Variants in ADCY10 observed in about 807,000 individuals in gnomAD.
The protein encoded by ADCY10 is adenylate cyclase type 10.
ADCY10 carries 156 observed loss-of-function variants against 183.3 expected under a neutral mutation model. That is an observed-to-expected ratio of 0.85 (90% confidence interval 0.75 to 0.97). The LOEUF is 0.97. Among genes scored for constraint, ADCY10 ranks in the 50% least tolerant of loss-of-function variants. The probability of loss-of-function intolerance (pLI) is 0.00; values close to 1 mark genes in which losing one functional copy is unlikely to be tolerated. For synonymous variants in ADCY10, 645 were observed against 670.0 expected (o/e 0.96, Z 0.58); for missense variants, 1,745 against 1,934.3 (o/e 0.90, Z 1.84).
Position 167,878,489 on chromosome 1 carries a change from C to T in ADCY10, c.1363G>A (p.Asp455Asn). ...CAATACTGATACAATGGTCCAGAAT[C>T]TGCAACACCTTTCATAACTTTCTTT... ...LPKKVMKGVA[D>N]SGPLYQYWGR... The change falls in exon 12 of 33, where the codon GAT becomes AAT. Residue 455 changes from aspartate (D) to asparagine (N), a missense_variant. Asp to Asn is a conservative substitution (Grantham distance 23, BLOSUM62 1). Transcript: ENST00000367851. The T allele has an allele frequency of 6.2e-7, 1 of 1,614,184 alleles. No individual in the cohort carries two copies. Among genetic ancestry groups the T allele is most frequent in the Non-Finnish European group, 8.5e-7 (1 of 1,180,044 alleles).
At position 167,845,831 on chromosome 1, in the gene ADCY10, A is replaced by G. The variant is rs1249240286; in HGVS notation, c.2739T>C (p.Leu913=). 1 of 1,614,030 alleles carries G rather than the reference A, an allele frequency of 6.2e-7. No individual in the cohort carries two copies. Among genetic ancestry groups the G allele is most frequent in the Non-Finnish European group, 8.5e-7 (1 of 1,180,038 alleles). Residue 913 remains leucine, a synonymous_variant, in exon 21 of 33, where the codon CTT becomes CTC. Coordinates refer to ENST00000367851, the MANE Select transcript of ADCY10 (RefSeq NM_018417.6). ...CGATCACCTCATTCTCCAGTTCACG[A>G]AGCTGTTCCTCTTCACCGTGATCTG... is the stretch of plus-strand genomic sequence containing the variant. The part of the protein sequence containing the change: ...EGMDHGEEEQ[L]RELENEVIEC...
chr1:167,854,841 A>G lies in ADCY10; in HGVS notation c.2172-352T>C, dbSNP rs571518606. On this transcript the variant is annotated intron_variant, in intron 17 of 32. Coordinates refer to ENST00000367851, the MANE Select transcript of ADCY10 (RefSeq NM_018417.6). ...ATATAATTTAAACAGAGAGAGGGGG[A>G]GAGAGAGAGAGAGACCGACAGAAAG... is the stretch of plus-strand genomic sequence containing the variant. 3.2e-4 allele frequency among the ~76,000 whole-genome samples: 48 copies of G among 150,644 alleles called. 1 individual carries two copies. The highest frequency in any genetic ancestry group is 1.1e-3 in the African/African-American group (44 of 41,298).
At chr1:167,866,750 TAA>T (rs368735411) in intron 14 of ADCY10, among the ~76,000 whole-genome samples, 30 of 123,016 alleles carry the variant, frequency 2.4e-4, no homozygotes, top group Non-Finnish European at 2.3e-4. Context: ...AAAGTTCACT[TAA>T]AAAAAAAAAA....
Position 167,896,697 on chromosome 1 carries a change from T to A in ADCY10, c.643-6A>T, listed in dbSNP as rs773026452. ...GGTGGTTTTAAGAAGTTAACCTAAA[T>A]AAAAGCAAATGAGAAGTTTTCAGTT... On this transcript the variant is annotated splice_region_variant and splice_polypyrimidine_tract_variant and intron_variant, in intron 6 of 32. Coordinates refer to ENST00000367851, the MANE Select transcript of ADCY10 (RefSeq NM_018417.6). 1.3e-6 allele frequency: 2 copies of A among 1,567,886 alleles called. No individual in the cohort carries two copies. The highest frequency in any genetic ancestry group is 1.8e-6 in the Non-Finnish European group (2 of 1,138,236).
chr1:167,840,158 G>A (rs914070787), intron 21 of ADCY10, among the ~76,000 whole-genome samples: 6 of 151,880 alleles, frequency 4.0e-5, no homozygotes, highest in African/African-American at 1.5e-4. Context: ...CTTGAGCCTG[G>A]AAGTTTGAGG....
chr1:167,911,006 C>G (rs527932706), intron 1 of ADCY10, among the ~76,000 whole-genome samples: 2 of 152,330 alleles, frequency 1.3e-5, no homozygotes, highest in Non-Finnish European at 2.9e-5. Flanking sequence ...CCACACTCTC[C>G]TCACATGCAT....
chr1:167,899,557 G>A lies in ADCY10; in HGVS notation c.508C>T (p.Gln170Ter). The A allele has an allele frequency of 6.2e-7, 1 of 1,614,218 alleles. No homozygotes were observed. The highest frequency in any genetic ancestry group is 8.5e-7 in the Non-Finnish European group (1 of 1,180,052). Residue 170 changes from glutamine to a stop codon, truncating the protein, a stop_gained, in exon 6 of 33, where the codon CAG becomes TAG. Transcript: ENST00000367851. LOFTEE classifies it high-confidence loss of function. ...GCAAGGCGCACATCGTCCACTGCCT[G>A]ACCAATCACCAGAAAGTGGCTGTGT... is the stretch of plus-strand genomic sequence containing the variant. ...ETHSHFLVIG[Q>*]AVDDVRLAQN...
intron 1 of ADCY10, among the ~76,000 whole-genome samples, chr1:167,911,623 A>G (rs1384478527): frequency 6.6e-6 from 1 of 152,220 alleles, no homozygotes; most frequent in Non-Finnish European, 1.5e-5. Context: ...TGAACGTGTC[A>G]GGTTATAAAT....
chr1:167,880,448 A>G, intron 10 of ADCY10, 43 bp downstream of exon 10: 5 of 1,447,598 alleles, frequency 3.5e-6, no homozygotes, highest in Non-Finnish European at 4.9e-6. Flanking sequence ...TTATGCCTCA[A>G]AAGGGTCAGG....
rs141422393 is a variant in ADCY10 at position 167,899,484 on chromosome 1, C to T, written c.581G>A (p.Trp194Ter). ...MNDVILSPNCWQLCDRSMIEI... is the reference protein window; with the variant it reads ...MNDVILSPNC ...AATCATGCTCCGGTCACAGAGCTGCCAGCAGTTTGGTGACAGAATAACATC... is the reference window on the plus strand; with the variant it reads ...AATCATGCTCCGGTCACAGAGCTGCTAGCAGTTTGGTGACAGAATAACATC... Residue 194 changes from tryptophan to a stop codon, truncating the protein, a stop_gained, in exon 6 of 33, where the codon TGG becomes TAG. Coordinates refer to ENST00000367851, the MANE Select transcript of ADCY10 (RefSeq NM_018417.6). LOFTEE classifies it high-confidence loss of function. The T allele has an allele frequency of 1.5e-5, 24 of 1,614,098 alleles. No individual in the cohort carries two copies. The highest frequency in any genetic ancestry group is 1.9e-5 in the Non-Finnish European group (23 of 1,180,042).
chr1:167,860,081 G>C (rs1205930365), intron 15 of ADCY10, among the ~76,000 whole-genome samples, 188 bp from the exon 16 acceptor site: 1 of 152,172 alleles, frequency 6.6e-6, no homozygotes, highest in Non-Finnish European at 1.5e-5. Context: ...AACTGCGGCA[G>C]AGGGGATGAT....
rs764365704 is a variant in ADCY10, at chr1:167,837,262, GA to G, written c.3063del (p.Pro1022LeufsTer9). ...ATATGCCTCTACCTGCGATTTTCAG[GA>G]AAAAATGCAGATGTCTCAGGAATCT... ...NSEIPETSAF[F>X]PENRSPEEIR... On this transcript the variant is annotated frameshift_variant, in exon 22 of 33. Transcript: ENST00000367851. LOFTEE classifies it high-confidence loss of function. 2 of 1,613,600 alleles carry G rather than the reference GA, an allele frequency of 1.2e-6. No homozygotes were observed. The highest frequency in any genetic ancestry group is 1.3e-5 in the African/African-American group (1 of 74,874).
Position 167,848,750 on chromosome 1 carries a change from A to G in ADCY10, c.2309-261T>C, listed in dbSNP as rs575559403. ...ACTGCAACCTCCGCCTCCCAGGTTC[A>G]AGCGATTCCTGCCTCAGCCTCCCAA... On this transcript the variant is annotated intron_variant, in intron 18 of 32. Transcript: ENST00000367851. Among the ~76,000 whole-genome samples the G allele has an allele frequency of 1.1e-4, 16 of 152,040 alleles. 1 individual carries two copies. The highest frequency in any genetic ancestry group is 3.6e-4 in the African/African-American group (15 of 41,470).
intron 21 of ADCY10, among the ~76,000 whole-genome samples, chr1:167,841,618 T>C (rs889840033): frequency 2.0e-5 from 3 of 148,028 alleles, no homozygotes; most frequent in Non-Finnish European, 3.0e-5. Context: ...AGCAATACTC[T>C]TGAGTAGCTG....
At position 167,863,008 on chromosome 1, in the gene ADCY10, T is replaced by C. The variant is rs75237505; in HGVS notation, c.1617-1945A>G. Among the ~76,000 whole-genome samples the C allele has an allele frequency of 1.3e-3, 194 of 152,344 alleles. 5 individuals carry two copies. The East Asian group carries it at 0.035, about 27-fold the overall frequency. On this transcript the variant is annotated intron_variant, in intron 14 of 32. Coordinates refer to ENST00000367851, the MANE Select transcript of ADCY10 (RefSeq NM_018417.6). ...CAACATGAGACAAGTATATTAGATC[T>C]GTCTTCCAGGGAAAAATCCAAAGAC...
rs139489616 is a variant in ADCY10 at position 167,893,003 on chromosome 1, T to G, written c.828+850A>C. Among the ~76,000 whole-genome samples the G allele has an allele frequency of 2.1e-3, 324 of 152,220 alleles. 1 individual carries two copies. The highest frequency in any genetic ancestry group is 7.6e-3 in the African/African-American group (317 of 41,528). On this transcript the variant is annotated intron_variant, in intron 8 of 32. Transcript: ENST00000367851. ...CCAAGGACTGTAAAGAATAAATACA[T>G]GAACTAGCAGAGTGACTGGCATATG...
Position 167,901,806 on chromosome 1 carries a change from C to G in ADCY10, c.293-1G>C. On this transcript the variant is annotated splice_acceptor_variant, in intron 4 of 32. Transcript: ENST00000367851. LOFTEE classifies it high-confidence loss of function. ...CTCCACAGGGCTAGCAGTGCATCAC[C>G]TTCAGAGAGAGACATGCCGCGGGCT... The G allele has an allele frequency of 6.2e-7, 1 of 1,614,196 alleles. No homozygotes were observed. The highest frequency in any genetic ancestry group is 8.5e-7 in the Non-Finnish European group (1 of 1,180,044).
At chr1:167,891,043 C>A (rs1452317229) in intron 8 of ADCY10, among the ~76,000 whole-genome samples, 2 of 152,086 alleles carry the variant, frequency 1.3e-5, no homozygotes, top group African/African-American at 4.8e-5. Flanking sequence ...CTCACTGCAA[C>A]CTCCGCCTCC....
chr1:167,849,027 C>T lies in ADCY10; in HGVS notation c.2309-538G>A, dbSNP rs184082165. ...TTTGTCTCCCTCTGCCAACCCTGCCCAACCAAAAGAATTGGCACTATTGAT... is the reference window on the plus strand; with the variant it reads ...TTTGTCTCCCTCTGCCAACCCTGCCTAACCAAAAGAATTGGCACTATTGAT... On this transcript the variant is annotated intron_variant, in intron 18 of 32. Coordinates refer to ENST00000367851, the MANE Select transcript of ADCY10 (RefSeq NM_018417.6). Among the ~76,000 whole-genome samples the T allele has an allele frequency of 1.3e-4, 19 of 150,786 alleles. No homozygotes were observed. In the East Asian group the frequency reaches 2.2e-3, roughly 17 times the overall value.
Sources: allele counts gnomAD v4.1 joint callset (sites outside exome capture counted in the v4.1 genomes callset), GRCh38; gene constraint gnomAD v4.1.1; transcripts MANE v1.5; gene names NCBI Gene and HGNC (gene_info 2026-07-23, HGNC 2026-07-21).